Variants in CSMD1 observed in about 807,000 individuals in gnomAD.
CSMD1 encodes CUB and Sushi multiple domains 1.
In CSMD1, 213 loss-of-function variants were observed where a neutral mutation model predicts 417.5. The ratio of observed to expected loss-of-function variants is 0.51; its 90% CI spans 0.46 to 0.57. The LOEUF (loss-of-function observed/expected upper bound fraction) is 0.57, where lower values mean the gene tolerates loss of function less well. Among genes scored for constraint, CSMD1 ranks in the 20% least tolerant of loss-of-function variants. The probability of loss-of-function intolerance (pLI) is 0.00; values close to 1 mark genes in which losing one functional copy is unlikely to be tolerated. For missense variants in CSMD1, 6,923 were observed against 4,529.7 expected, an observed-to-expected ratio of 1.53 and a Z score of -15.17; for synonymous variants, 2,862 against 1,736.8, an observed-to-expected ratio of 1.65 and a Z score of -16.11.
intron 4 of CSMD1, among the ~76,000 whole-genome samples, chr8:4,031,263 C>T (rs765207968): frequency 6.6e-6 from 1 of 152,170 alleles, no homozygotes; most frequent in Non-Finnish European, 1.5e-5. Flanking sequence ...ATACCTGAGC[C>T]TGGGCAATTT....
chr8:3,513,768 C>T (rs776390962), intron 10 of CSMD1, among the ~76,000 whole-genome samples: 2 of 152,168 alleles, frequency 1.3e-5, no homozygotes, highest in East Asian at 3.9e-4. Flanking sequence ...AGTGCAGCTT[C>T]ACCAAACACA....
intron 7 of CSMD1, among the ~76,000 whole-genome samples, chr8:3,680,973 T>C (rs1156692558): frequency 1.3e-5 from 2 of 152,188 alleles, no homozygotes; most frequent in East Asian, 3.9e-4. Flanking sequence ...AAAAAGCCTT[T>C]GACAAAATTC....
chr8:4,383,503 G>A (rs2128919965), intron 3 of CSMD1, among the ~76,000 whole-genome samples: 1 of 152,178 alleles, frequency 6.6e-6, no homozygotes, highest in African/African-American at 2.4e-5. Context: ...TTTTATTCCA[G>A]GACACCAACA....
chr8:4,439,653 G>T (rs181381378), intron 2 of CSMD1, among the ~76,000 whole-genome samples: 1 of 152,250 alleles, frequency 6.6e-6, no homozygotes, highest in East Asian at 1.9e-4. Context: ...AATGGAAGTT[G>T]GTAGGAGTGC....
At chr8:4,135,600 G>A (rs1191117579) in intron 3 of CSMD1, among the ~76,000 whole-genome samples, 3 of 151,938 alleles carry the variant, frequency 2.0e-5, no homozygotes, top group Admixed American at 6.6e-5. Context: ...ATATCAAGAG[G>A]AAAATTTAGT....
At chr8:3,996,120 T>G (rs897606978) in intron 5 of CSMD1, among the ~76,000 whole-genome samples, 1 of 152,162 alleles carries the variant, frequency 6.6e-6, no homozygotes, top group South Asian at 2.1e-4. Flanking sequence ...ACAAACTAAG[T>G]TTCTTTGGCA....
At chr8:3,308,005 T>C (rs542559767) in intron 24 of CSMD1, among the ~76,000 whole-genome samples, 184 bp from the exon 25 acceptor site, 1 of 152,186 alleles carries the variant, frequency 6.6e-6, no homozygotes, top group Non-Finnish European at 1.5e-5. Context: ...GGAAAGTCTT[T>C]ATCCTCCATG....
intron 3 of CSMD1, among the ~76,000 whole-genome samples, chr8:4,069,647 C>T (rs1449999234): frequency 6.6e-6 from 1 of 152,158 alleles, no homozygotes; most frequent in African/African-American, 2.4e-5. Flanking sequence ...CTGCAGCTTC[C>T]TGGGCCATGG....
intron 12 of CSMD1, among the ~76,000 whole-genome samples, chr8:3,432,629 C>G (rs976737194): frequency 2.0e-5 from 3 of 150,774 alleles, no homozygotes; most frequent in East Asian, 3.9e-4. Context: ...GATTCTCCTG[C>G]CTCAGCTTCC....
intron 5 of CSMD1, among the ~76,000 whole-genome samples, chr8:3,965,847 G>T (rs1037393505): frequency 2.0e-5 from 3 of 152,122 alleles, no homozygotes; most frequent in African/African-American, 7.2e-5. Flanking sequence ...TTGAACTCTT[G>T]ACCTCATACT....
chr8:4,924,894 G>T (rs1465042069), intron 1 of CSMD1, among the ~76,000 whole-genome samples: 4 of 151,956 alleles, frequency 2.6e-5, no homozygotes, highest in African/African-American at 9.7e-5. Context: ...GACAAAACTG[G>T]GATTTGAACC....
chr8:3,113,952 T>C (rs1302536475), intron 42 of CSMD1, among the ~76,000 whole-genome samples: 2 of 152,200 alleles, frequency 1.3e-5, no homozygotes, highest in Non-Finnish European at 2.9e-5. Flanking sequence ...CTGTTATGGC[T>C]CATAGCTGTA....
At chr8:4,044,021 T>C (rs898316104) in intron 3 of CSMD1, among the ~76,000 whole-genome samples, 1 of 139,456 alleles carries the variant, frequency 7.2e-6, no homozygotes, top group Non-Finnish European at 1.6e-5. Flanking sequence ...TTGGCAAAGC[T>C]TAATTAAAAA....
intron 1 of CSMD1, among the ~76,000 whole-genome samples, chr8:4,917,989 G>A (rs925496903): frequency 6.6e-6 from 1 of 152,182 alleles, no homozygotes. Context: ...GTTACTGTCT[G>A]TGATAACAAA....
intron 5 of CSMD1, among the ~76,000 whole-genome samples, chr8:3,801,942 C>A (rs1486231037): frequency 6.6e-6 from 1 of 151,898 alleles, no homozygotes; most frequent in African/African-American, 2.4e-5. Context: ...CAGGGTAGAA[C>A]AGAAAATGAC....
intron 4 of CSMD1, among the ~76,000 whole-genome samples, chr8:4,017,855 T>A (rs1401878365): frequency 1.3e-5 from 2 of 152,196 alleles, no homozygotes; most frequent in Non-Finnish European, 2.9e-5. Context: ...TATCTGGTGG[T>A]GATCCATCAT....
chr8:4,234,987 T>C (rs1801959510), intron 3 of CSMD1, among the ~76,000 whole-genome samples: 1 of 152,194 alleles, frequency 6.6e-6, no homozygotes, highest in Admixed American at 6.5e-5. Flanking sequence ...ATCTCAATTT[T>C]ATCCCAAAAG....
At chr8:4,416,666 G>A (rs1796958756) in intron 3 of CSMD1, among the ~76,000 whole-genome samples, 1 of 151,954 alleles carries the variant, frequency 6.6e-6, no homozygotes. Flanking sequence ...GAGGCTCTTT[G>A]GGGAACAATT....
chr8:3,964,675 C>A lies in CSMD1; in HGVS notation c.818+33228G>T, dbSNP rs181891161. Among the ~76,000 whole-genome samples the A allele has an allele frequency of 2.1e-4, 32 of 152,258 alleles. No individual in the cohort carries two copies. In the East Asian group the frequency reaches 5.6e-3, roughly 27 times the overall value. On this transcript the variant is annotated intron_variant, in intron 5 of 69. Transcript: ENST00000635120. ...AAGTTGAGGTGTCTCTATATTTTTA[C>A]TTTTAAATGGACCATAGTTATTAAA...
Sources: allele counts gnomAD v4.1 joint callset (sites outside exome capture counted in the v4.1 genomes callset), GRCh38; gene constraint gnomAD v4.1.1; transcripts MANE v1.5; gene names NCBI Gene and HGNC (gene_info 2026-07-23, HGNC 2026-07-21).